TMEM132C: variants seen among roughly 807,000 people sequenced by gnomAD.
TMEM132C encodes protein phosphatase 1, regulatory subunit 152.
TMEM132C carries 29 observed loss-of-function variants against 61.4 expected under a neutral mutation model. The ratio of observed to expected loss-of-function variants is 0.47; its 90% CI spans 0.35 to 0.64. TMEM132C has a LOEUF of 0.64. Ranked by LOEUF, TMEM132C falls within the 30% of genes least tolerant of loss-of-function variation. The pLI, the probability that TMEM132C is intolerant of heterozygous loss-of-function variation, is 0.00. For synonymous variants in TMEM132C, 656 were observed against 633.1 expected (o/e 1.04, Z -0.54); for missense variants, 1,408 against 1,476.9 (o/e 0.95, Z 0.76).
intron 2 of TMEM132C, among the ~76,000 whole-genome samples, chr12:128,538,630 G>T (rs577735043): frequency 1.2e-4 from 19 of 152,124 alleles, no homozygotes; most frequent in Non-Finnish European, 2.8e-4. Flanking sequence ...GCAGTGCCCT[G>T]CTCCCTTTTA....
At chr12:128,610,951 G>A (rs1359666878) in intron 3 of TMEM132C, among the ~76,000 whole-genome samples, 1 of 152,114 alleles carries the variant, frequency 6.6e-6, no homozygotes, top group African/African-American at 2.4e-5. Flanking sequence ...GTGCCTGAAT[G>A]GTGGCTTTAG....
intron 1 of TMEM132C, among the ~76,000 whole-genome samples, chr12:128,361,048 G>C (rs1354530378): frequency 6.6e-6 from 1 of 152,224 alleles, no homozygotes; most frequent in Non-Finnish European, 1.5e-5. Context: ...GACAGTGTTT[G>C]TGTTTATGAA....
rs146592340 is a variant in TMEM132C, at chr12:128,494,524, A to C, written c.975-49433A>C. On this transcript the variant is annotated intron_variant, in intron 2 of 8. Coordinates refer to ENST00000435159, the MANE Select transcript of TMEM132C (RefSeq NM_001136103.3). The stretch of plus-strand genomic sequence containing the variant: ...CTATTAATTATTGCCTCAATTTCAG[A>C]GCCTGTTATTGGTCTATTCAGGGAT... Among the ~76,000 whole-genome samples, 1,202 of 152,126 alleles carry C rather than the reference A, an allele frequency of 7.9e-3. 44 individuals are homozygous for C. The East Asian group carries it at 0.13, about 16-fold the overall frequency.
intron 2 of TMEM132C, among the ~76,000 whole-genome samples, chr12:128,509,540 A>G (rs999460908): frequency 6.6e-6 from 1 of 152,242 alleles, no homozygotes; most frequent in Non-Finnish European, 1.5e-5. Context: ...CAGTTTTTGC[A>G]TGACTCAGTT....
At chr12:128,566,411 TG>T (rs957689709) in intron 3 of TMEM132C, among the ~76,000 whole-genome samples, 4 of 152,192 alleles carry the variant, frequency 2.6e-5, no homozygotes, top group Non-Finnish European at 5.9e-5. Context: ...TTTTTGGACC[TG>T]AGAATGTTAT....
chr12:128,472,716 A>G (rs1031547352), intron 2 of TMEM132C, among the ~76,000 whole-genome samples: 8 of 152,212 alleles, frequency 5.3e-5, no homozygotes, highest in Non-Finnish European at 1.2e-4. Context: ...AAAGGACCTC[A>G]AACATCTGGG....
At chr12:128,427,810 C>T (rs1869246737) in intron 2 of TMEM132C, among the ~76,000 whole-genome samples, 1 of 152,184 alleles carries the variant, frequency 6.6e-6, no homozygotes, top group South Asian at 2.1e-4. Context: ...TGATGTTCCT[C>T]GAAAATACCA....
At chr12:128,642,948 G>C (rs552054574) in intron 4 of TMEM132C, among the ~76,000 whole-genome samples, 1 of 152,156 alleles carries the variant, frequency 6.6e-6, no homozygotes, top group Admixed American at 6.5e-5. Flanking sequence ...GAGAGTTTTC[G>C]CAAGTGTCCT....
chr12:128,697,978 T>G (rs532363018), intron 8 of TMEM132C, among the ~76,000 whole-genome samples: 14 of 152,320 alleles, frequency 9.2e-5, no homozygotes, highest in African/African-American at 3.4e-4. Flanking sequence ...TATGATACCC[T>G]CTTCTCATAA....
intron 2 of TMEM132C, among the ~76,000 whole-genome samples, chr12:128,458,295 A>T (rs1870416280): frequency 5.0e-4 from 1 of 1,982 alleles, no homozygotes; most frequent in African/African-American, 5.5e-4. Flanking sequence ...TATTGTAATT[A>T]TATAATTATA....
chr12:128,665,103 A>G (rs1431911702), intron 4 of TMEM132C, among the ~76,000 whole-genome samples: 1 of 151,618 alleles, frequency 6.6e-6, no homozygotes, highest in African/African-American at 2.4e-5. Flanking sequence ...ATACACAGGC[A>G]CACACACAGG....
At chr12:128,382,861 AGTAT>A (rs1367848263) in intron 1 of TMEM132C, among the ~76,000 whole-genome samples, 1 of 151,862 alleles carries the variant, frequency 6.6e-6, no homozygotes, top group African/African-American at 2.4e-5. Flanking sequence ...TGTGTATCTG[AGTAT>A]GTGTGTGTTT....
chr12:128,375,514 CT>C (rs1463367420), intron 1 of TMEM132C, among the ~76,000 whole-genome samples: 1 of 152,090 alleles, frequency 6.6e-6, no homozygotes, highest in Admixed American at 6.5e-5. Context: ...CCCTCCGTGT[CT>C]CTCCTCTGTG....
intron 1 of TMEM132C, among the ~76,000 whole-genome samples, chr12:128,271,823 G>GAGAGAGTT (rs1757177692): frequency 6.6e-6 from 1 of 152,202 alleles, no homozygotes; most frequent in South Asian, 2.1e-4. Flanking sequence ...TATATTAGTA[G>GAGAGAGTT]TTAACACCTC....
intron 1 of TMEM132C, among the ~76,000 whole-genome samples, chr12:128,269,862 T>C (rs924842737): frequency 1.3e-5 from 2 of 152,090 alleles, no homozygotes; most frequent in Non-Finnish European, 2.9e-5. Flanking sequence ...GCACACGGAT[T>C]TAAGTGCTGA....
chr12:128,374,918 CAAAAAAAAAAA>C (rs10601290), intron 1 of TMEM132C, among the ~76,000 whole-genome samples: 2,381 of 126,912 alleles, frequency 0.019, 80 homozygotes, highest in African/African-American at 0.065. Flanking sequence ...CCGTCTGTCT[CAAAAAAAAAAA>C]AAAAAAAAAT....
intron 1 of TMEM132C, among the ~76,000 whole-genome samples, chr12:128,303,228 A>G (rs1871653431): frequency 6.6e-6 from 1 of 152,234 alleles, no homozygotes; most frequent in Non-Finnish European, 1.5e-5. Context: ...TATTCTTTAA[A>G]AGAAAGGATA....
intron 1 of TMEM132C, among the ~76,000 whole-genome samples, chr12:128,367,149 G>A (rs1045968142): frequency 6.6e-6 from 1 of 152,202 alleles, no homozygotes; most frequent in Non-Finnish European, 1.5e-5. Context: ...AGAAGGAAAG[G>A]CAGCCATTGT....
At position 128,332,863 on chromosome 12, in the gene TMEM132C, G is replaced by A. The variant is rs79718029; in HGVS notation, c.85+65376G>A. 2.6e-5 allele frequency among the ~76,000 whole-genome samples: 4 copies of A among 152,324 alleles called. No individual in the cohort carries two copies. The East Asian group carries it at 5.8e-4, about 22-fold the overall frequency. ...TGCAGTGGCTCTTGCCAAGTGCCCTGGGGTCTTGGACATCTGCCTAGTGGC... is the reference window on the plus strand; with the variant it reads ...TGCAGTGGCTCTTGCCAAGTGCCCTAGGGTCTTGGACATCTGCCTAGTGGC... On this transcript the variant is annotated intron_variant, in intron 1 of 8. Transcript: ENST00000435159.
Sources: gnomAD v4.1 joint callset for allele counts (sites outside exome capture counted in the v4.1 genomes callset) on GRCh38, gnomAD v4.1.1 for gene constraint, MANE v1.5 for transcripts, NCBI Gene and HGNC (gene_info 2026-07-23, HGNC 2026-07-21) for gene names.